Variants in CDC73 observed in about 807,000 individuals in gnomAD.
The protein encoded by CDC73 is cell division cycle 73.
Under a neutral mutation model 83.7 loss-of-function variants are expected in CDC73, and 21 were observed. The observed-to-expected ratio is 0.25, with a 90% CI of 0.18 to 0.36. The LOEUF (loss-of-function observed/expected upper bound fraction) is 0.36. Ranked by LOEUF, CDC73 falls within the 10% of genes least tolerant of loss-of-function variation. CDC73 has a pLI of 1.00. For synonymous variants in CDC73, 224 were observed against 212.9 expected (o/e 1.05, Z -0.45); for missense variants, 342 against 653.3 (o/e 0.52, Z 5.19).
chr1:193,227,122 C>T (rs1479625760), intron 13 of CDC73, among the ~76,000 whole-genome samples: 1 of 151,764 alleles, frequency 6.6e-6, no homozygotes, highest in African/African-American at 2.4e-5. Context: ...TCATAGTAGC[C>T]TTGAATGATA....
At chr1:193,181,140 A>G in intron 10 of CDC73, 3 of 1,614,048 alleles carry the variant, frequency 1.9e-6, no homozygotes, top group Middle Eastern at 3.3e-4. Flanking sequence ...TTTCAGGCTC[A>G]TTAATAATAT....
chr1:193,181,158 A>G, intron 10 of CDC73: 1 of 1,613,938 alleles, frequency 6.2e-7, no homozygotes, highest in African/African-American at 1.3e-5. Flanking sequence ...TATATTTGAA[A>G]TGGTAAGAAT....
At chr1:193,211,755 T>C (rs1426006200) in intron 11 of CDC73, among the ~76,000 whole-genome samples, 1 of 152,208 alleles carries the variant, frequency 6.6e-6, no homozygotes, top group Non-Finnish European at 1.5e-5. Context: ...TTCAGTCTTG[T>C]GAATTGTTTG....
chr1:193,181,264 T>C, intron 10 of CDC73: 1 of 1,614,036 alleles, frequency 6.2e-7, no homozygotes, highest in Non-Finnish European at 8.5e-7. Context: ...GTCTGTGTTA[T>C]TAGAGTTAGT....
intron 10 of CDC73, among the ~76,000 whole-genome samples, chr1:193,159,023 TA>T (rs1234154083): frequency 6.6e-6 from 1 of 152,236 alleles, no homozygotes; most frequent in Non-Finnish European, 1.5e-5. Flanking sequence ...GAATAGGCAA[TA>T]TTTTTTTCTC....
At chr1:193,231,384 A>G (rs940775792) in intron 13 of CDC73, among the ~76,000 whole-genome samples, 6 of 152,218 alleles carry the variant, frequency 3.9e-5, no homozygotes, top group South Asian at 2.1e-4. Context: ...TCAAGAGGGC[A>G]GGGACTATGT....
chr1:193,125,551 T>C (rs574685543), intron 2 of CDC73, among the ~76,000 whole-genome samples: 128 of 152,124 alleles, frequency 8.4e-4, no homozygotes, highest in African/African-American at 2.9e-3. Flanking sequence ...CATGAATCAC[T>C]GTGCCTGGCC....
At chr1:193,137,185 ATC>A (rs1675816676) in intron 5 of CDC73, among the ~76,000 whole-genome samples, 1 of 152,198 alleles carries the variant, frequency 6.6e-6, no homozygotes, top group Admixed American at 6.5e-5. Flanking sequence ...AATTTGAGAA[ATC>A]TGGGCTATAT....
At chr1:193,215,568 G>A (rs1463498782) in intron 13 of CDC73, among the ~76,000 whole-genome samples, 1 of 151,518 alleles carries the variant, frequency 6.6e-6, no homozygotes, top group Non-Finnish European at 1.5e-5. Context: ...AATCGCTTTT[G>A]GGCAAAGAAT....
At chr1:193,138,934 C>T (rs565203729) in intron 6 of CDC73, among the ~76,000 whole-genome samples, 5 of 151,838 alleles carry the variant, frequency 3.3e-5, no homozygotes, top group South Asian at 4.2e-4. Flanking sequence ...GCCACCACGC[C>T]GGGCTAATTT....
chr1:193,234,183 A>T (rs1314548419), intron 14 of CDC73, among the ~76,000 whole-genome samples: 206 of 22,560 alleles, frequency 9.1e-3, no homozygotes, highest in South Asian at 0.018. Flanking sequence ...TCTCACACAC[A>T]CACACACACA....
intron 10 of CDC73, among the ~76,000 whole-genome samples, chr1:193,177,732 C>T (rs1255307297): frequency 6.6e-6 from 1 of 152,042 alleles, no homozygotes; most frequent in Middle Eastern, 3.2e-3. Context: ...GTTTCTACTG[C>T]TGTTACTGGT....
At chr1:193,134,227 A>G (rs1428155413) in intron 3 of CDC73, among the ~76,000 whole-genome samples, 2 of 152,080 alleles carry the variant, frequency 1.3e-5, no homozygotes, top group African/African-American at 4.8e-5. Context: ...ACATTTATAT[A>G]TTTATGAAAA....
intron 10 of CDC73, chr1:193,180,161 TAA>T: frequency 1.2e-6 from 1 of 800,686 alleles, no homozygotes. Context: ...CTTCAGAAAT[TAA>T]AAAAATACTT....
chr1:193,206,257 C>T (rs1677187430), intron 11 of CDC73, among the ~76,000 whole-genome samples: 2 of 152,052 alleles, frequency 1.3e-5, no homozygotes. Context: ...AGCTAAAGTG[C>T]CCTGGGGATT....
chr1:193,215,663 C>T (rs1677355693), intron 13 of CDC73, among the ~76,000 whole-genome samples: 1 of 147,368 alleles, frequency 6.8e-6, no homozygotes, highest in Admixed American at 6.7e-5. Context: ...GATCTCGGCT[C>T]TCTGCAACCT....
chr1:193,215,592 GT>G (rs780470013), intron 13 of CDC73, among the ~76,000 whole-genome samples: 458 of 141,266 alleles, frequency 3.2e-3, no homozygotes, highest in African/African-American at 3.8e-3. Context: ...ATTAACACAG[GT>G]TTTTTTTTTT....
At chr1:193,249,377 A>AT (rs1678006951) in intron 15 of CDC73, among the ~76,000 whole-genome samples, 2 of 152,098 alleles carry the variant, frequency 1.3e-5, no homozygotes, top group Non-Finnish European at 2.9e-5. Context: ...TAAAAATGCA[A>AT]TGAGGTACCA....
At chr1:193,153,037 G>C (rs1162967247) in intron 10 of CDC73, among the ~76,000 whole-genome samples, 1 of 151,998 alleles carries the variant, frequency 6.6e-6, no homozygotes, top group Admixed American at 6.6e-5. Context: ...TGAAGTGCTG[G>C]GATTACAAGT....
Sources: gnomAD v4.1 joint callset for allele counts (sites outside exome capture counted in the v4.1 genomes callset) on GRCh38, gnomAD v4.1.1 for gene constraint, MANE v1.5 for transcripts, NCBI Gene and HGNC (gene_info 2026-07-23, HGNC 2026-07-21) for gene names.